CDC42BPA: variants seen among roughly 807,000 people sequenced by gnomAD.
CDC42BPA encodes the protein CDC42 binding protein kinase alpha.
In CDC42BPA, 80 loss-of-function variants were observed where a neutral mutation model predicts 223.5. That is an observed-to-expected ratio of 0.36 (90% CI 0.30 to 0.43). CDC42BPA has a LOEUF of 0.43. CDC42BPA is among the 20% of genes least tolerant of loss of function. The probability of loss-of-function intolerance (pLI) is 1.00; values close to 1 mark genes in which losing one functional copy is unlikely to be tolerated. For missense variants in CDC42BPA, 1,743 were observed against 2,099.9 expected (o/e 0.83, Z 3.32); for synonymous variants, 694 against 718.6 (o/e 0.97, Z 0.55).
In CDC42BPA at chr1:227,029,189, C is replaced by G; in HGVS notation, c.3900G>C (p.Gln1300His). The G allele has an allele frequency of 1.2e-6, 2 of 1,601,382 alleles. No individual in the cohort carries two copies. Among genetic ancestry groups the G allele is most frequent in the Non-Finnish European group, 1.7e-6 (2 of 1,179,800 alleles). ...TTCGTCCTGAGATCACAGCAACAAG[C>G]TGATCATTTGGAATGAGTTCAATCT... ...IHQIELIPND[Q>H]LVAVISGRNR... Residue 1300 changes from glutamine (Q) to histidine (H), a missense_variant, in exon 30 of 37, where the codon CAG becomes CAC. This residue lies in a region of CDC42BPA where 678 missense variants were observed against 777.5 expected (regional missense o/e 0.87). Coordinates refer to ENST00000366766, the MANE Select transcript of CDC42BPA (RefSeq NM_001394014.1).
chr1:227,306,541 G>A (rs1005491812), intron 1 of CDC42BPA, among the ~76,000 whole-genome samples: 3 of 152,140 alleles, frequency 2.0e-5, no homozygotes, highest in Admixed American at 6.5e-5. Context: ...CATTACGAAC[G>A]CATGCAACAA....
At chr1:227,080,730 T>A (rs1049222428) in intron 17 of CDC42BPA, among the ~76,000 whole-genome samples, 163 bp downstream of exon 17, 6 of 152,154 alleles carry the variant, frequency 3.9e-5, no homozygotes, top group Non-Finnish European at 7.4e-5. Context: ...GAAAACACAG[T>A]AGAACACAAC....
chr1:227,022,904 C>T lies in CDC42BPA; in HGVS notation c.4615+359G>A, dbSNP rs149977950. ...GATATGTTCCTGAAGACATATTCCT[C>T]AACTCTAGATGAGTGTTTATAATTT... On this transcript the variant is annotated intron_variant, in intron 32 of 36. Coordinates refer to ENST00000366766, the MANE Select transcript of CDC42BPA (RefSeq NM_001394014.1). 2.5e-3 allele frequency among the ~76,000 whole-genome samples: 381 copies of T among 152,282 alleles called. 1 individual carries two copies. Among genetic ancestry groups the T allele is most frequent in the African/African-American group, 8.8e-3 (367 of 41,554 alleles).
chr1:227,289,453 C>A (rs1286261397), intron 1 of CDC42BPA, among the ~76,000 whole-genome samples: 1 of 152,196 alleles, frequency 6.6e-6, no homozygotes, highest in Non-Finnish European at 1.5e-5. Flanking sequence ...GAGGTCTTCA[C>A]TAACCAACTC....
intron 34 of CDC42BPA, among the ~76,000 whole-genome samples, chr1:227,013,096 A>G (rs1398147529): frequency 2.6e-5 from 4 of 152,180 alleles, no homozygotes; most frequent in African/African-American, 7.2e-5. Context: ...GTGAAGAAAC[A>G]GGTTTCAAAA....
intron 32 of CDC42BPA, among the ~76,000 whole-genome samples, chr1:227,019,274 A>T (rs1666920194): frequency 6.6e-6 from 1 of 152,164 alleles, no homozygotes; most frequent in South Asian, 2.1e-4. Flanking sequence ...CCCATGAGAT[A>T]CAACACCTCA....
intron 16 of CDC42BPA, among the ~76,000 whole-genome samples, chr1:227,091,557 TA>T (rs1683084326): frequency 6.6e-6 from 1 of 152,138 alleles, no homozygotes; most frequent in African/African-American, 2.4e-5. Context: ...TAAGCCAAAA[TA>T]AATCTATTTT....
chr1:227,216,475 G>A (rs960127361), intron 2 of CDC42BPA, among the ~76,000 whole-genome samples: 5 of 152,172 alleles, frequency 3.3e-5, no homozygotes, highest in African/African-American at 1.2e-4. Context: ...CTGGAATAAG[G>A]TGAGTGTGGT....
At chr1:227,291,341 G>A (rs1689661854) in intron 1 of CDC42BPA, among the ~76,000 whole-genome samples, 1 of 152,228 alleles carries the variant, frequency 6.6e-6, no homozygotes, top group East Asian at 1.9e-4. Context: ...TTGAGGTCAG[G>A]AGTTCAAAAC....
At chr1:227,211,389 C>T (rs1673868343) in intron 3 of CDC42BPA, among the ~76,000 whole-genome samples, 1 of 152,022 alleles carries the variant, frequency 6.6e-6, no homozygotes, top group African/African-American at 2.4e-5. Context: ...TCCAGCAATC[C>T]CACTACTAGG....
chr1:226,995,090 C>T (rs535856456), intron 35 of CDC42BPA, 110 bp from the exon 36 acceptor site: 1 of 945,474 alleles, frequency 1.1e-6, no homozygotes, highest in South Asian at 1.6e-5. Context: ...CCAGACCACT[C>T]CTCCCCTGAA....
intron 21 of CDC42BPA, among the ~76,000 whole-genome samples, chr1:227,056,864 A>G (rs766899208): frequency 2.6e-5 from 4 of 152,254 alleles, no homozygotes; most frequent in Non-Finnish European, 5.9e-5. Flanking sequence ...CAGAAGTACT[A>G]TATCATTTGG....
intron 12 of CDC42BPA, among the ~76,000 whole-genome samples, chr1:227,115,529 T>C (rs74451844): frequency 6.9e-6 from 1 of 144,512 alleles, no homozygotes; most frequent in African/African-American, 2.6e-5. Flanking sequence ...AAAAAAAAAA[T>C]AGTGAATATA....
At chr1:227,104,234 A>C (rs1366166117) in intron 14 of CDC42BPA, among the ~76,000 whole-genome samples, 1 of 152,154 alleles carries the variant, frequency 6.6e-6, no homozygotes, top group Non-Finnish European at 1.5e-5. Flanking sequence ...TTATCACATA[A>C]ATTAGCCTTA....
chr1:227,070,987 C>T lies in CDC42BPA; in HGVS notation c.2828-1134G>A, dbSNP rs1407991678. The stretch of plus-strand genomic sequence containing the variant: ...TGTCTTACGAATTCTTTTTCTTTTC[C>T]TCACTAAATAATGTATCTTCTTTCA... On this transcript the variant is annotated intron_variant, in intron 20 of 36. Coordinates refer to ENST00000366766, the MANE Select transcript of CDC42BPA (RefSeq NM_001394014.1). Among the ~76,000 whole-genome samples the T allele has an allele frequency of 3.3e-5, 5 of 151,806 alleles. No homozygotes were observed. In the East Asian group the frequency reaches 9.6e-4, roughly 29 times the overall value.
intron 2 of CDC42BPA, among the ~76,000 whole-genome samples, chr1:227,221,364 G>C (rs2718225): frequency 0.32 from 48,204 of 151,802 alleles, 7,872 homozygotes; most frequent in African/African-American, 0.37. Flanking sequence ...ACCCTTATTT[G>C]TAGTTGCCTA....
intron 21 of CDC42BPA, among the ~76,000 whole-genome samples, chr1:227,060,655 G>C (rs1675692690): frequency 6.8e-6 from 1 of 147,864 alleles, no homozygotes; most frequent in Non-Finnish European, 1.5e-5. Flanking sequence ...TCAAGAATGA[G>C]AAACACTACC....
At chr1:227,236,630 G>A (rs918454511) in intron 2 of CDC42BPA, among the ~76,000 whole-genome samples, 12 of 152,062 alleles carry the variant, frequency 7.9e-5, no homozygotes, top group African/African-American at 1.4e-4. Flanking sequence ...TTTATACAAT[G>A]ATAAAGTGAA....
intron 5 of CDC42BPA, among the ~76,000 whole-genome samples, chr1:227,168,031 G>A (rs1161515992): frequency 6.6e-6 from 1 of 151,520 alleles, no homozygotes; most frequent in Non-Finnish European, 1.5e-5. Flanking sequence ...TTCAAGCAAT[G>A]CTCCTGCCCT....
Sources: allele counts gnomAD v4.1 joint callset (sites outside exome capture counted in the v4.1 genomes callset), GRCh38; gene constraint gnomAD v4.1.1; regional missense constraint gnomAD v4.1.1; transcripts MANE v1.5; gene names NCBI Gene and HGNC (gene_info 2026-07-23, HGNC 2026-07-21).